Variants in CNGA1 observed in about 807,000 individuals in gnomAD.
CNGA1 encodes cyclic nucleotide-gated channel alpha-1.
CNGA1 carries 53 observed loss-of-function variants against 69.7 expected under a neutral mutation model. The ratio of observed to expected loss-of-function variants is 0.76; its 90% CI spans 0.61 to 0.96. CNGA1 has a LOEUF of 0.96. Ranked by LOEUF, CNGA1 falls within the 40% of genes least tolerant of loss-of-function variation. The pLI is 0.00. For synonymous variants in CNGA1, 249 were observed against 283.5 expected, an observed-to-expected ratio of 0.88 and a Z score of 1.22; for missense variants, 739 against 811.2, an observed-to-expected ratio of 0.91 and a Z score of 1.08.
chr4:48,007,921 C>G (rs6447606), intron 2 of CNGA1, among the ~76,000 whole-genome samples: 17,289 of 152,026 alleles, frequency 0.11, 1,577 homozygotes, highest in East Asian at 0.32. Flanking sequence ...TTGAAGGAAA[C>G]CATTATTATT....
chr4:47,980,148 AT>A (rs1741621596), intron 3 of CNGA1, among the ~76,000 whole-genome samples: 1 of 152,166 alleles, frequency 6.6e-6, no homozygotes, highest in Admixed American at 6.5e-5. Context: ...ACCCTCTTTT[AT>A]TTGCTGAGTG....
rs1739026092 is a variant in CNGA1, at chr4:47,940,782, C to T, written c.633G>A (p.Met211Ile). Residue 211 changes from methionine (M) to isoleucine (I), a missense_variant, in exon 10 of 11, where the codon ATG becomes ATA. Coordinates refer to ENST00000514170, the MANE Select transcript of CNGA1 (RefSeq NM_001379270.1). ...YVSDIVYLID[M>I]FVRTRTGYLE... Reference sequence around the variant, plus strand: ...ATTTACCTGTCCTTGTTCGTACAAACATATCGATTAAATAGACTATGTCTG... The same window carrying T: ...ATTTACCTGTCCTTGTTCGTACAAATATATCGATTAAATAGACTATGTCTG... 6.2e-7 allele frequency: 1 copy of T among 1,603,966 alleles called. No homozygotes were observed. The highest frequency in any genetic ancestry group is 1.3e-5 in the African/African-American group (1 of 74,678).
chr4:47,959,216 T>A (rs1740279028), intron 3 of CNGA1: 1 of 152,158 alleles, frequency 6.6e-6, no homozygotes, highest in African/African-American at 2.4e-5. Context: ...CTATCATGTT[T>A]AATTAGAGGC....
chr4:47,995,232 G>C (rs1742432534), intron 2 of CNGA1, among the ~76,000 whole-genome samples: 1 of 152,120 alleles, frequency 6.6e-6, no homozygotes, highest in South Asian at 2.1e-4. Context: ...TCTCTAGCAA[G>C]GCCATGGAAA....
At chr4:48,014,230 C>T (rs1435008125) in intron 1 of CNGA1, among the ~76,000 whole-genome samples, 2 of 152,144 alleles carry the variant, frequency 1.3e-5, no homozygotes, top group Non-Finnish European at 2.9e-5. Flanking sequence ...GAATAAATAT[C>T]CCCCAACTTT....
rs188685051 is a variant in CNGA1, at chr4:47,991,603, C to T, written c.-122-10103G>A. Among the ~76,000 whole-genome samples the T allele has an allele frequency of 2.6e-5, 4 of 152,238 alleles. No homozygotes were observed. The East Asian group carries it at 7.7e-4, about 29-fold the overall frequency. ...ATGTATAGATTGTGAAGATTTCCTC[C>T]CACTCTGTGGGTTGTCTGTTTACTC... On this transcript the variant is annotated intron_variant, in intron 2 of 10. Transcript: ENST00000514170.
chr4:47,986,281 C>A (rs966153478), intron 2 of CNGA1, among the ~76,000 whole-genome samples: 1 of 152,076 alleles, frequency 6.6e-6, no homozygotes, highest in Non-Finnish European at 1.5e-5. Context: ...ATGGTGCATG[C>A]CCATAATCCC....
At chr4:47,960,509 G>A (rs980467209) in intron 3 of CNGA1, among the ~76,000 whole-genome samples, 6 of 152,056 alleles carry the variant, frequency 3.9e-5, no homozygotes, top group Non-Finnish European at 2.9e-5. Context: ...GCACAAAAAA[G>A]ACACTAAATC....
rs201993017 is a variant in CNGA1 at position 47,959,598 on chromosome 4, ACACT to A, written c.-14-6899_-14-6896del. On this transcript the variant is annotated intron_variant, in intron 3 of 10. Transcript: ENST00000514170. The stretch of plus-strand genomic sequence containing the variant: ...GTTTCTTAGAAAGGGCACAAAAAAG[ACACT>A]CAATCTAAAAGAAAAAAAATTTTTT... Among the ~76,000 whole-genome samples the A allele has an allele frequency of 3.2e-4, 49 of 152,242 alleles. No homozygotes were observed. In the East Asian group the frequency reaches 9.5e-3, roughly 29 times the overall value.
At chr4:47,969,305 G>A (rs1478583684) in intron 3 of CNGA1, among the ~76,000 whole-genome samples, 1 of 151,672 alleles carries the variant, frequency 6.6e-6, no homozygotes, top group African/African-American at 2.4e-5. Context: ...AATTTCTGGA[G>A]GCATGAGCCA....
At chr4:48,009,191 G>A (rs1382992836) in intron 2 of CNGA1, among the ~76,000 whole-genome samples, 8 of 152,108 alleles carry the variant, frequency 5.3e-5, no homozygotes, top group Admixed American at 5.2e-4. Context: ...TTACAGCTGG[G>A]CACAGTGGCT....
At chr4:48,003,146 T>C (rs1411837082) in intron 2 of CNGA1, among the ~76,000 whole-genome samples, 1 of 151,990 alleles carries the variant, frequency 6.6e-6, no homozygotes, top group African/African-American at 2.4e-5. Context: ...GAGACATCAA[T>C]CAACATATGT....
intron 2 of CNGA1, among the ~76,000 whole-genome samples, chr4:47,992,915 T>C (rs1742336736): frequency 6.6e-6 from 1 of 152,138 alleles, no homozygotes; most frequent in Non-Finnish European, 1.5e-5. Context: ...TGTTGGATTT[T>C]GTTGAATGCT....
chr4:47,970,365 T>C (rs1173000175), intron 3 of CNGA1, among the ~76,000 whole-genome samples: 1 of 152,044 alleles, frequency 6.6e-6, no homozygotes, highest in African/African-American at 2.4e-5. Flanking sequence ...GACAAAATTA[T>C]CTCCTGCTAG....
At position 47,936,458 on chromosome 4, in the gene CNGA1, C is replaced by T; in HGVS notation, c.2024G>A (p.Gly675Glu). 1 of 1,614,144 alleles carries T rather than the reference C, an allele frequency of 6.2e-7. No homozygotes were observed. Among genetic ancestry groups the T allele is most frequent in the Non-Finnish European group, 8.5e-7 (1 of 1,180,026 alleles). The stretch of plus-strand genomic sequence containing the variant: ...GATGGGCCCACTTTCCGCTCCAGGT[C>T]CCTCAATACTTGAAAATTCTGTGTC... ...LIDTEFSSIE[G>E]PGAESGPIDS... The change falls in exon 11 of 11, where the codon GGA becomes GAA. Residue 675 changes from glycine (G) to glutamate (E), a missense_variant. Transcript: ENST00000514170.
rs76543303 is a variant in CNGA1 at position 47,941,928 on chromosome 4, T to C, written c.545+113A>G. ...TCTAGCCTCTCTTTACCACCTGCAGTAGAGAAAGGAGGTGTGTCCTAAAGG... is the reference window on the plus strand; with the variant it reads ...TCTAGCCTCTCTTTACCACCTGCAGCAGAGAAAGGAGGTGTGTCCTAAAGG... On this transcript the variant is annotated intron_variant, in intron 9 of 10. Transcript: ENST00000514170. The C allele has an allele frequency of 4.3e-3, 2,927 of 682,090 alleles. 12 individuals carry two copies. The highest frequency in any genetic ancestry group is 5.2e-3 in the Non-Finnish European group (2,013 of 389,244). 42.3% of individuals were successfully genotyped at this position (682,090 alleles called of 1,614,324 possible).
At chr4:48,006,534 T>A (rs1714924578) in intron 2 of CNGA1, among the ~76,000 whole-genome samples, 1 of 152,206 alleles carries the variant, frequency 6.6e-6, no homozygotes, top group Admixed American at 6.5e-5. Flanking sequence ...GTTTCCTGTA[T>A]AATTTTTATA....
intron 2 of CNGA1, among the ~76,000 whole-genome samples, chr4:48,002,994 T>C (rs185761029): frequency 4.5e-4 from 69 of 152,340 alleles, no homozygotes; most frequent in African/African-American, 1.6e-3. Context: ...CCTGAAAATC[T>C]GAGACATGTC....
At chr4:48,003,103 C>A (rs1255990994) in intron 2 of CNGA1, among the ~76,000 whole-genome samples, 1 of 152,138 alleles carries the variant, frequency 6.6e-6, no homozygotes, top group Non-Finnish European at 1.5e-5. Context: ...GTGGTCAGAG[C>A]ATCACTGGGT....
Sources: gnomAD v4.1 joint callset for allele counts (sites outside exome capture counted in the v4.1 genomes callset) on GRCh38, gnomAD v4.1.1 for gene constraint, MANE v1.5 for transcripts, NCBI Gene and HGNC (gene_info 2026-07-23, HGNC 2026-07-21) for gene names.